ANKRD31: variants seen among roughly 807,000 people sequenced by gnomAD.
The protein encoded by ANKRD31 is ankyrin repeat domain-containing protein 31.
In ANKRD31, 147 loss-of-function variants were observed where a neutral mutation model predicts 186.0. The ratio of observed to expected loss-of-function variants is 0.79; its 90% CI spans 0.69 to 0.91. The LOEUF is 0.91. ANKRD31 is among the 40% of genes least tolerant of loss of function. The pLI, the probability that ANKRD31 is intolerant of heterozygous loss-of-function variation, is 0.00. For missense variants in ANKRD31, 1,986 were observed against 2,148.8 expected, an observed-to-expected ratio of 0.92 and a Z score of 1.50; for synonymous variants, 673 against 736.4, an observed-to-expected ratio of 0.91 and a Z score of 1.39.
At chr5:75,115,221 C>T (rs1308286823) in intron 19 of ANKRD31, among the ~76,000 whole-genome samples, 219 of 150,360 alleles carry the variant, frequency 1.5e-3, no homozygotes, top group Admixed American at 2.7e-3. Context: ...AAAGCTGAAA[C>T]TGGATCCCTT....
At chr5:75,071,284 T>C (rs2149995232) in intron 25 of ANKRD31, among the ~76,000 whole-genome samples, 1 of 147,894 alleles carries the variant, frequency 6.8e-6, no homozygotes, top group Admixed American at 6.8e-5. Flanking sequence ...TTTAATAATA[T>C]TTAATATTTT....
intron 1 of ANKRD31, among the ~76,000 whole-genome samples, chr5:75,232,974 A>C (rs1758040182): frequency 6.6e-6 from 1 of 152,126 alleles, no homozygotes; most frequent in South Asian, 2.1e-4. Flanking sequence ...CTCCCTACAT[A>C]ATTTAGTTAC....
intron 9 of ANKRD31, 106 bp downstream of exon 9, chr5:75,192,561 T>C: frequency 1.1e-6 from 1 of 882,788 alleles, no homozygotes; most frequent in Non-Finnish European, 1.7e-6. Context: ...TGAAATTCAG[T>C]TTCCTCATCA....
intron 23 of ANKRD31, among the ~76,000 whole-genome samples, chr5:75,086,507 C>A (rs998254616): frequency 2.6e-5 from 4 of 152,192 alleles, no homozygotes; most frequent in Non-Finnish European, 5.9e-5. Flanking sequence ...TATGCCTACT[C>A]TGACAGAGGC....
At chr5:75,167,695 GCAAAGGC>G (rs1753025589) in intron 11 of ANKRD31, among the ~76,000 whole-genome samples, 1 of 152,172 alleles carries the variant, frequency 6.6e-6, no homozygotes, top group African/African-American at 2.4e-5. Flanking sequence ...TTTCATATAT[GCAAAGGC>G]CAAATAGGAG....
Position 75,147,508 on chromosome 5 carries a change from A to G in ANKRD31, c.1906-3T>C. The G allele has an allele frequency of 7.0e-7, 1 of 1,425,124 alleles. No homozygotes were observed. The allele number at this position is 1,425,124 out of a possible 1,614,324, so 88.3% of individuals were successfully genotyped here. A position where few individuals can be genotyped will look rare whatever the true frequency, so the allele number is the denominator to read the frequency against. Reference sequence around the variant, plus strand: ...CTTTTAGAACTGAACTTTGGTTTCTATAGAAAAAAAATACATAGTTAGCTT... The same window carrying G: ...CTTTTAGAACTGAACTTTGGTTTCTGTAGAAAAAAAATACATAGTTAGCTT... On this transcript the variant is annotated splice_region_variant and splice_polypyrimidine_tract_variant and intron_variant, in intron 13 of 25. Transcript: ENST00000506364.
intron 15 of ANKRD31, among the ~76,000 whole-genome samples, chr5:75,143,622 C>G (rs1389047627): frequency 6.6e-6 from 1 of 152,096 alleles, no homozygotes; most frequent in Admixed American, 6.6e-5. Flanking sequence ...GTTCACTCAT[C>G]TGACACAAAA....
At chr5:75,195,576 C>A in intron 7 of ANKRD31, 55 bp downstream of exon 7, 1 of 1,389,660 alleles carries the variant, frequency 7.2e-7, no homozygotes, top group Non-Finnish European at 9.5e-7. Context: ...TATAGCTCAG[C>A]TAACTTGGAA....
In ANKRD31 at chr5:75,104,846, T is replaced by C. The variant is rs1407858890; in HGVS notation, c.4713A>G (p.Gly1571=). ...SEAVRRGEFS[G]NDMNSKQNGS... is the part of the protein sequence containing the mutation. ...CATTTTGTTTAGAATTCATATCATT[T>C]CCAGAAAATTCTCCCCTTCTCACTG... Residue 1571 remains glycine, a synonymous_variant, in exon 22 of 26, where the codon GGA becomes GGG. Transcript: ENST00000506364. The C allele has an allele frequency of 3.3e-6, 5 of 1,537,070 alleles. No homozygotes were observed. The Admixed American group carries it at 5.9e-5, about 18-fold the overall frequency.
intron 2 of ANKRD31, 43 bp from the exon 3 acceptor site, chr5:75,222,401 T>A: frequency 7.2e-7 from 1 of 1,386,994 alleles, no homozygotes; most frequent in Middle Eastern, 1.8e-4. Flanking sequence ...ACAGTTTTAT[T>A]GCTCTGCTTT....
At chr5:75,222,658 G>C (rs1382957056) in intron 2 of ANKRD31, among the ~76,000 whole-genome samples, 1 of 151,992 alleles carries the variant, frequency 6.6e-6, no homozygotes, top group Admixed American at 6.6e-5. Flanking sequence ...GTGTCCATGT[G>C]TTCTCAACGT....
intron 10 of ANKRD31, among the ~76,000 whole-genome samples, chr5:75,171,541 T>C (rs1010689421): frequency 6.6e-6 from 1 of 151,922 alleles, no homozygotes; most frequent in Non-Finnish European, 1.5e-5. Context: ...GACCTCATTT[T>C]CTACCTTATT....
In ANKRD31 at chr5:75,105,132, G is replaced by T; in HGVS notation, c.4427C>A (p.Ala1476Glu). The T allele has an allele frequency of 6.5e-7, 1 of 1,536,334 alleles. No homozygotes were observed. The highest frequency in any genetic ancestry group is 1.7e-4 in the Middle Eastern group (1 of 5,970). The part of the protein sequence containing the change: ...AARQKSLLVV[A>E]KKQKKISLKI... Reference sequence around the variant, plus strand: ...CAGGCTTATTTTTTTCTGTTTTTTTGCCACAACTAAAAGGCTCTTCTGTCT... The same window carrying T: ...CAGGCTTATTTTTTTCTGTTTTTTTTCCACAACTAAAAGGCTCTTCTGTCT... The change falls in exon 22 of 26, where the codon GCA becomes GAA. Residue 1476 changes from alanine (A) to glutamate (E), a missense_variant. Ala to Glu is a moderately radical substitution (Grantham distance 107). Transcript: ENST00000506364.
At chr5:75,131,023 G>A (rs181515196) in intron 17 of ANKRD31, among the ~76,000 whole-genome samples, 21 of 152,288 alleles carry the variant, frequency 1.4e-4, no homozygotes, top group African/African-American at 4.1e-4. Flanking sequence ...GTCCATGCAC[G>A]GGACCCAGCC....
At chr5:75,132,900 T>A (rs1749992061) in intron 17 of ANKRD31, among the ~76,000 whole-genome samples, 1 of 152,094 alleles carries the variant, frequency 6.6e-6, no homozygotes, top group Non-Finnish European at 1.5e-5. Context: ...GAATTTCATA[T>A]CCAGCCAAAC....
At chr5:75,152,774 G>C (rs1751925513) in intron 12 of ANKRD31, among the ~76,000 whole-genome samples, 1 of 152,014 alleles carries the variant, frequency 6.6e-6, no homozygotes, top group Non-Finnish European at 1.5e-5. Context: ...TAAGTCAACT[G>C]TCTAATGTGT....
intron 22 of ANKRD31, among the ~76,000 whole-genome samples, chr5:75,091,873 G>A (rs544573430): frequency 6.6e-6 from 1 of 152,168 alleles, no homozygotes; most frequent in African/African-American, 2.4e-5. Flanking sequence ...TGAGACAGAG[G>A]CTCCACCTTT....
rs563304217 is a variant in ANKRD31, at chr5:75,097,573, G to T, written c.5332-6172C>A. ...TGGGTATTAGCCCTTTGTCAGATGG[G>T]TAGATTGTAAAAATGTTCTCCCATT... On this transcript the variant is annotated intron_variant, in intron 22 of 25. Coordinates refer to ENST00000506364, the MANE Select transcript of ANKRD31 (RefSeq NM_001372053.1). Among the ~76,000 whole-genome samples, 4 of 152,232 alleles carry T rather than the reference G, an allele frequency of 2.6e-5. No individual in the cohort carries two copies. In the East Asian group the frequency reaches 7.7e-4, roughly 29 times the overall value.
intron 20 of ANKRD31, 60 bp downstream of exon 20, chr5:75,112,453 C>T (rs1747863964): frequency 1.7e-6 from 2 of 1,163,336 alleles, no homozygotes; most frequent in Non-Finnish European, 1.2e-6. Context: ...AAATATGTAC[C>T]TTAAGAAGAT....
Sources: gnomAD v4.1 joint callset for allele counts (sites outside exome capture counted in the v4.1 genomes callset) on GRCh38, gnomAD v4.1.1 for gene constraint, MANE v1.5 for transcripts, NCBI Gene and HGNC (gene_info 2026-07-23, HGNC 2026-07-21) for gene names.